Variants in MSI2 observed in about 807,000 individuals in gnomAD.
MSI2 encodes the protein musashi RNA binding protein 2, also known as RNA-binding protein Musashi homolog 2.
A neutral mutation model predicts 45.6 loss-of-function variants in MSI2; 17 were observed. The observed-to-expected ratio is 0.37, with a 90% CI of 0.26 to 0.56. The LOEUF (loss-of-function observed/expected upper bound fraction) is 0.56. Ranked by LOEUF, MSI2 falls within the 20% of genes least tolerant of loss-of-function variation. MSI2 has a pLI of 0.77. For synonymous variants in MSI2, 156 were observed against 158.2 expected (o/e 0.99, Z 0.11); for missense variants, 293 against 444.2 (o/e 0.66, Z 3.06).
chr17:57,647,522 T>C (rs984272553), intron 10 of MSI2, among the ~76,000 whole-genome samples: 2 of 151,428 alleles, frequency 1.3e-5, no homozygotes, highest in African/African-American at 2.4e-5. Flanking sequence ...TGACCATGGC[T>C]CCTACCTTGG....
intron 10 of MSI2, among the ~76,000 whole-genome samples, chr17:57,647,144 T>G (rs1171395352): frequency 2.6e-5 from 4 of 151,774 alleles, no homozygotes; most frequent in African/African-American, 9.7e-5. Context: ...AATAAGAAAT[T>G]CAGGCCAGGC....
chr17:57,472,944 G>A (rs1164866206), intron 6 of MSI2, among the ~76,000 whole-genome samples: 1 of 151,632 alleles, frequency 6.6e-6, no homozygotes, highest in Non-Finnish European at 1.5e-5. Context: ...CCAGGCTGGA[G>A]TGCAATGGTG....
intron 6 of MSI2, among the ~76,000 whole-genome samples, chr17:57,440,413 CGTGTGTGTGT>C (rs71139995): frequency 5.8e-3 from 603 of 104,580 alleles, no homozygotes; most frequent in Non-Finnish European, 7.3e-3. Flanking sequence ...GTTTGTTATC[CGTGTGTGTGT>C]GTGTGTGTGT....
At chr17:57,464,173 T>TG (rs1304387304) in intron 6 of MSI2, among the ~76,000 whole-genome samples, 1 of 152,122 alleles carries the variant, frequency 6.6e-6, no homozygotes, top group Non-Finnish European at 1.5e-5. Flanking sequence ...GCCAGGGCAG[T>TG]GGCTCACGCT....
intron 11 of MSI2, among the ~76,000 whole-genome samples, chr17:57,670,158 A>G (rs952518119): frequency 6.6e-6 from 1 of 152,246 alleles, no homozygotes; most frequent in Admixed American, 6.5e-5. Flanking sequence ...TGCCCCCCTC[A>G]TTGACCTGGC....
At chr17:57,446,135 A>G (rs915688642) in intron 6 of MSI2, among the ~76,000 whole-genome samples, 1 of 152,064 alleles carries the variant, frequency 6.6e-6, no homozygotes, top group African/African-American at 2.4e-5. Flanking sequence ...TAGGCTGCAG[A>G]GGGACTGGGG....
chr17:57,445,473 C>T (rs371885522), intron 6 of MSI2, among the ~76,000 whole-genome samples: 2 of 151,788 alleles, frequency 1.3e-5, no homozygotes, highest in East Asian at 1.9e-4. Flanking sequence ...ACATGGTATC[C>T]TCAGCACCTT....
rs797022377 is a variant in MSI2, at chr17:57,510,648, A to G, written c.406-19028A>G. Among the ~76,000 whole-genome samples the G allele has an allele frequency of 3.0e-3, 453 of 151,298 alleles. 3 individuals are homozygous for G. Among genetic ancestry groups the G allele is most frequent in the African/African-American group, 0.01 (413 of 40,866 alleles). ...TCACCATGTTGGCCAGGCTGGTCTCAAACTCCTGACCTCAGGTGATCCACC... is the reference window on the plus strand; with the variant it reads ...TCACCATGTTGGCCAGGCTGGTCTCGAACTCCTGACCTCAGGTGATCCACC... On this transcript the variant is annotated intron_variant, in intron 6 of 13. Transcript: ENST00000284073.
chr17:57,399,794 A>C (rs943551738), intron 5 of MSI2, among the ~76,000 whole-genome samples: 1 of 152,238 alleles, frequency 6.6e-6, no homozygotes, highest in African/African-American at 2.4e-5. Flanking sequence ...CAGAAAACTC[A>C]TACCTAGGAG....
chr17:57,680,567 C>G lies in MSI2; in HGVS notation c.*1050C>G. 1 of 227,670 alleles carries G rather than the reference C, an allele frequency of 4.4e-6. No individual in the cohort carries two copies. The highest frequency in any genetic ancestry group is 8.7e-6 in the Non-Finnish European group (1 of 114,634). The allele number at this position is 227,670 out of a possible 1,614,324, so 14.1% of individuals were successfully genotyped here. A position where few individuals can be genotyped will look rare whatever the true frequency, so the allele number is the denominator to read the frequency against. On this transcript the variant is annotated 3_prime_UTR_variant, in exon 14 of 14. Transcript: ENST00000284073. ...TAGCTCCTTTGTCTGTGTGATAGACCTAAGAACTGTATTAGTGTTGTACCA... is the reference window on the plus strand; with the variant it reads ...TAGCTCCTTTGTCTGTGTGATAGACGTAAGAACTGTATTAGTGTTGTACCA...
intron 5 of MSI2, among the ~76,000 whole-genome samples, chr17:57,322,584 A>G (rs73325405): frequency 0.056 from 8,539 of 152,192 alleles, 838 homozygotes; most frequent in African/African-American, 0.19. Flanking sequence ...TCAACCCTTA[A>G]TCGAACATAA....
chr17:57,632,291 G>A (rs879128735), intron 10 of MSI2: 2 of 1,076,158 alleles, frequency 1.9e-6, no homozygotes, highest in South Asian at 4.4e-5. Context: ...ACGATGGACA[G>A]TGATAAAGGT....
intron 10 of MSI2, among the ~76,000 whole-genome samples, chr17:57,650,558 C>G (rs1319034310): frequency 6.6e-6 from 1 of 152,190 alleles, no homozygotes; most frequent in Non-Finnish European, 1.5e-5. Flanking sequence ...CTCCAGTCAC[C>G]ATGCATGGTC....
At chr17:57,505,734 C>T (rs1474901574) in intron 6 of MSI2, among the ~76,000 whole-genome samples, 4 of 151,346 alleles carry the variant, frequency 2.6e-5, no homozygotes, top group Non-Finnish European at 4.4e-5. Context: ...TTTGGGGGTG[C>T]GGCGGGGGGT....
At chr17:57,621,915 G>T (rs1294808663) in intron 9 of MSI2, among the ~76,000 whole-genome samples, 1 of 152,226 alleles carries the variant, frequency 6.6e-6, no homozygotes, top group Non-Finnish European at 1.5e-5. Context: ...CTTAGGAAAG[G>T]TCTTTTGCAG....
intron 8 of MSI2, among the ~76,000 whole-genome samples, chr17:57,615,289 G>A (rs1249959530): frequency 1.3e-5 from 2 of 151,880 alleles, no homozygotes; most frequent in African/African-American, 4.8e-5. Context: ...CACCACACCT[G>A]CCTAGTTTTT....
intron 5 of MSI2, among the ~76,000 whole-genome samples, chr17:57,297,703 G>T (rs1359829746): frequency 6.6e-6 from 1 of 152,214 alleles, no homozygotes; most frequent in East Asian, 1.9e-4. Context: ...CTTCTTTCAA[G>T]ATTGCAGTCA....
intron 9 of MSI2, 178 bp downstream of exon 9, chr17:57,616,262 G>GGTGTGTGTGTGTGCATGC: frequency 1.8e-6 from 1 of 549,130 alleles, no homozygotes; most frequent in South Asian, 2.3e-5. Flanking sequence ...ATTAAGTGTG[G>GGTGTGTGTGTGTGCATGC]GTGTGTGTGT....
intron 4 of MSI2, among the ~76,000 whole-genome samples, chr17:57,260,431 C>A (rs1288014219): frequency 6.6e-6 from 1 of 152,276 alleles, no homozygotes; most frequent in African/African-American, 2.4e-5. Context: ...TGGCACCTCC[C>A]TCAACATACC....
Sources: gnomAD v4.1 joint callset for allele counts (sites outside exome capture counted in the v4.1 genomes callset) on GRCh38, gnomAD v4.1.1 for gene constraint, MANE v1.5 for transcripts, NCBI Gene and HGNC (gene_info 2026-07-23, HGNC 2026-07-21) for gene names.